The following DAB1 variants were observed in gnomAD, a reference collection of about 807,000 sequenced individuals.
The protein encoded by DAB1 is DAB adaptor protein 1.
Under a neutral mutation model 64.6 loss-of-function variants are expected in DAB1, and 15 were observed. The ratio of observed to expected loss-of-function variants is 0.23; its 90% CI spans 0.16 to 0.36. DAB1 has a LOEUF of 0.36. DAB1 is among the 10% of genes least tolerant of loss of function. The pLI is 1.00. For missense variants in DAB1, 596 were observed against 706.7 expected, an observed-to-expected ratio of 0.84 and a Z score of 1.78; for synonymous variants, 235 against 251.9, an observed-to-expected ratio of 0.93 and a Z score of 0.64.
At chr1:57,757,690 A>G (rs1471070792) in intron 6 of DAB1, among the ~76,000 whole-genome samples, 1 of 152,264 alleles carries the variant, frequency 6.6e-6, no homozygotes, top group East Asian at 1.9e-4. Flanking sequence ...TTCTGTGAAG[A>G]CTTCATTTCC....
chr1:58,014,727 T>A (rs1453225241), intron 5 of DAB1, among the ~76,000 whole-genome samples: 1 of 152,126 alleles, frequency 6.6e-6, no homozygotes, highest in Admixed American at 6.5e-5. Flanking sequence ...GCCAGGCACA[T>A]GGTGAATGTT....
chr1:57,001,187 T>G (rs1645850292), intron 14 of DAB1, among the ~76,000 whole-genome samples: 1 of 152,206 alleles, frequency 6.6e-6, no homozygotes, highest in African/African-American at 2.4e-5. Flanking sequence ...TTCAGAAATT[T>G]CCAACCTGGC....
chr1:58,485,539 T>G (rs890792766), intron 3 of DAB1, among the ~76,000 whole-genome samples: 2 of 152,164 alleles, frequency 1.3e-5, no homozygotes, highest in Admixed American at 6.5e-5. Context: ...CATACATATT[T>G]CTATCAAATC....
intron 1 of DAB1, among the ~76,000 whole-genome samples, chr1:57,296,582 G>T (rs977709953): frequency 3.3e-5 from 5 of 152,040 alleles, no homozygotes; most frequent in Admixed American, 2.0e-4. Context: ...TTTTATAAAG[G>T]ATACAGAAGC....
intron 6 of DAB1, among the ~76,000 whole-genome samples, chr1:57,667,676 G>T (rs1304930771): frequency 1.3e-5 from 2 of 152,008 alleles, no homozygotes; most frequent in African/African-American, 4.8e-5. Flanking sequence ...TGGCTAGTGT[G>T]CATGGAATAC....
intron 1 of DAB1, among the ~76,000 whole-genome samples, chr1:57,385,083 T>C (rs1681701583): frequency 6.6e-6 from 1 of 152,176 alleles, no homozygotes; most frequent in Admixed American, 6.6e-5. Context: ...ATACACAGAT[T>C]GGGATGTCTG....
chr1:57,777,234 T>C (rs1385382631), intron 6 of DAB1, among the ~76,000 whole-genome samples: 1 of 151,422 alleles, frequency 6.6e-6, no homozygotes, highest in African/African-American at 2.4e-5. Flanking sequence ...GGGCTTCTTT[T>C]AAGATGTTCA....
At chr1:57,480,630 A>T (rs897583823) in intron 7 of DAB1, among the ~76,000 whole-genome samples, 2 of 152,148 alleles carry the variant, frequency 1.3e-5, no homozygotes, top group East Asian at 3.9e-4. Flanking sequence ...GATTACAGGC[A>T]CATGCCACCA....
Position 58,039,606 on chromosome 1 carries a change from G to A in DAB1, n.387+110905C>T, listed in dbSNP as rs555332442. ...CTCAGAGCCTTCTGTTCCATCCCCC[G>A]TCCCCCACATTCTTTTTCAGCCTAC... On this transcript the variant is annotated intron_variant and non_coding_transcript_variant, in intron 5 of 20. Transcript: ENST00000485760. Among the ~76,000 whole-genome samples the A allele has an allele frequency of 8.6e-5, 13 of 150,738 alleles. No individual in the cohort carries two copies. The South Asian group carries it at 1.3e-3, about 15-fold the overall frequency.
At chr1:58,224,476 T>C (rs989661258) in intron 4 of DAB1, among the ~76,000 whole-genome samples, 5 of 152,178 alleles carry the variant, frequency 3.3e-5, no homozygotes, top group Non-Finnish European at 7.4e-5. Flanking sequence ...TTCCAGTTAT[T>C]GAGCATCTTC....
At chr1:57,071,411 A>G in intron 6 of DAB1, 111 bp downstream of exon 6, 5 of 1,301,666 alleles carry the variant, frequency 3.8e-6, no homozygotes, top group Non-Finnish European at 5.3e-6. Context: ...GGAATCTTTC[A>G]TCTTCGTTTA....
intron 5 of DAB1, among the ~76,000 whole-genome samples, chr1:58,005,794 A>AGG (rs1646574110): frequency 6.6e-6 from 1 of 152,138 alleles, no homozygotes; most frequent in African/African-American, 2.4e-5. Context: ...TTAAAAATTA[A>AGG]TTTGAGGCAA....
At chr1:58,196,470 G>C (rs767840860) in intron 4 of DAB1, among the ~76,000 whole-genome samples, 6 of 152,236 alleles carry the variant, frequency 3.9e-5, no homozygotes, top group Non-Finnish European at 5.9e-5. Context: ...AAGACTGTAA[G>C]CTAGGGGACA....
chr1:57,554,532 C>A (rs1020616426), intron 7 of DAB1, among the ~76,000 whole-genome samples: 1 of 152,132 alleles, frequency 6.6e-6, no homozygotes, highest in African/African-American at 2.4e-5. Flanking sequence ...TTTCGATAAG[C>A]CTTTGTGGTT....
intron 2 of DAB1, among the ~76,000 whole-genome samples, chr1:57,271,099 T>C (rs1489924832): frequency 6.6e-6 from 1 of 152,116 alleles, no homozygotes; most frequent in Admixed American, 6.5e-5. Context: ...CACCATCCAG[T>C]TGGTGTAAGC....
At chr1:58,268,638 G>T (rs968128150) in intron 4 of DAB1, among the ~76,000 whole-genome samples, 1 of 152,178 alleles carries the variant, frequency 6.6e-6, no homozygotes, top group African/African-American at 2.4e-5. Context: ...TAAATGGAAA[G>T]AATTTCCATG....
chr1:58,539,293 A>G (rs1646566281), intron 1 of DAB1: 1 of 825,104 alleles, frequency 1.2e-6, no homozygotes, highest in Non-Finnish European at 2.1e-6. Flanking sequence ...GATGAAGCTC[A>G]TTTTTTCACT....
chr1:57,153,630 T>TG (rs1553149395), intron 2 of DAB1, among the ~76,000 whole-genome samples: 4 of 52,012 alleles, frequency 7.7e-5, no homozygotes, highest in Non-Finnish European at 2.2e-4. Flanking sequence ...GGGGTTTTTT[T>TG]TTTGTTTGTT....
chr1:57,121,934 TG>T (rs891600087), intron 4 of DAB1, among the ~76,000 whole-genome samples: 1 of 152,206 alleles, frequency 6.6e-6, no homozygotes, highest in Admixed American at 6.5e-5. Flanking sequence ...TCTGTGGTTG[TG>T]GGGGGTCAGC....
Sources: gnomAD v4.1 joint callset for allele counts (sites outside exome capture counted in the v4.1 genomes callset) on GRCh38, gnomAD v4.1.1 for gene constraint, MANE v1.5 for transcripts, NCBI Gene and HGNC (gene_info 2026-07-23, HGNC 2026-07-21) for gene names.